The following ATG2B variants were observed in gnomAD, a reference collection of about 807,000 sequenced individuals.
ATG2B encodes the protein autophagy related 2B, also known as autophagy-related protein 2 homolog B.
A neutral mutation model predicts 241.3 loss-of-function variants in ATG2B; 121 were observed. The observed-to-expected ratio is 0.50, with a 90% confidence interval of 0.43 to 0.58. The LOEUF (loss-of-function observed/expected upper bound fraction) is 0.58. Ranked by LOEUF, ATG2B falls within the 20% of genes least tolerant of loss-of-function variation. The pLI, the probability that ATG2B is intolerant of heterozygous loss-of-function variation, is 0.00. For missense variants in ATG2B, 2,306 were observed against 2,491.6 expected, an observed-to-expected ratio of 0.93 and a Z score of 1.59; for synonymous variants, 858 against 876.6, an observed-to-expected ratio of 0.98 and a Z score of 0.37.
At position 96,306,817 on chromosome 14, in the gene ATG2B, G is replaced by T. The variant is rs141313245; in HGVS notation, c.4403C>A (p.Thr1468Asn). Residue 1468 changes from threonine (T) to asparagine (N), a missense_variant, in exon 30 of 42, where the codon ACC (threonine) becomes AAC (asparagine). Physicochemically the swap from Thr to Asn is moderately conservative, Grantham distance 65. This residue lies in a region of ATG2B where 1,927 missense variants were observed against 2,011.2 expected (regional missense o/e 0.96). Transcript: ENST00000359933. ...SGNVSQESGPTYASFSHHFIS... is the reference protein window; with the variant it reads ...SGNVSQESGPNYASFSHHFIS... ...GAAATGGTGAGAGAATGAGGCATAG[G>T]TGGGGCCGGACTCCTGGGATACATT... 2 of 1,614,086 alleles carry T rather than the reference G, an allele frequency of 1.2e-6. No homozygotes were observed. Among genetic ancestry groups the T allele is most frequent in the African/African-American group, 2.7e-5 (2 of 75,012 alleles).
chr14:96,309,760 T>C (rs1256842204), intron 28 of ATG2B, among the ~76,000 whole-genome samples, 166 bp from the exon 29 acceptor site: 1 of 152,210 alleles, frequency 6.6e-6, no homozygotes, highest in African/African-American at 2.4e-5. Context: ...GTTTTTAGTA[T>C]TATCACCCTA....
At chr14:96,304,343 GA>G in intron 32 of ATG2B, 151 bp downstream of exon 32, 1 of 509,224 alleles carries the variant, frequency 2.0e-6, no homozygotes. Flanking sequence ...ATTTGAGAAT[GA>G]AAAAGAGGTA....
chr14:96,293,943 G>A (rs1265396898), intron 36 of ATG2B, among the ~76,000 whole-genome samples: 1 of 152,038 alleles, frequency 6.6e-6, no homozygotes, highest in African/African-American at 2.4e-5. Context: ...AAATAAGAAT[G>A]CATATTATCA....
At chr14:96,340,125 A>ATGC (rs377482646) in intron 6 of ATG2B, among the ~76,000 whole-genome samples, 3 of 23,994 alleles carry the variant, frequency 1.3e-4, no homozygotes, top group African/African-American at 9.9e-4. Context: ...ATATGAATAT[A>ATGC]TATATCATAT....
chr14:96,308,272 A>ATATATATGTG (rs1566719935), intron 29 of ATG2B, among the ~76,000 whole-genome samples: 4 of 25,874 alleles, frequency 1.5e-4, no homozygotes, highest in Admixed American at 4.3e-4. Flanking sequence ...ATATATATAT[A>ATATATATGTG]TATATATATA....
intron 4 of ATG2B, 59 bp downstream of exon 4, chr14:96,344,595 G>T: frequency 1.1e-6 from 1 of 929,732 alleles, no homozygotes; most frequent in Non-Finnish European, 1.6e-6. Context: ...AAACCTCCCT[G>T]AAAATGTAAT....
chr14:96,349,624 A>G, intron 1 of ATG2B, among the ~76,000 whole-genome samples: 1 of 151,502 alleles, frequency 6.6e-6, no homozygotes, highest in East Asian at 1.9e-4. Flanking sequence ...ATGAGGGGTA[A>G]AAGAAAGAAA....
At position 96,302,074 on chromosome 14, in the gene ATG2B, G is replaced by A. The variant is rs1429661450; in HGVS notation, c.5072C>T (p.Ser1691Phe). 4 of 1,614,014 alleles carry A rather than the reference G, an allele frequency of 2.5e-6. No homozygotes were observed. Among genetic ancestry groups the A allele is most frequent in the African/African-American group, 1.3e-5 (1 of 75,012 alleles). The change falls in exon 34 of 42, where the codon TCT becomes TTT. Residue 1691 changes from serine to phenylalanine, a missense_variant. By Grantham distance (155) the Ser-to-Phe change is radical. Coordinates refer to ENST00000359933, the MANE Select transcript of ATG2B (RefSeq NM_018036.7). ...GCAGCACTCCTGTGGGGACCTGCCA[G>A]ATTCTGGACACACGTGTAAGGCTTT... ...TVKALHVCPE[S>F]GRSPQECCLR...
At chr14:96,346,391 T>C (rs1189175114) in intron 2 of ATG2B, among the ~76,000 whole-genome samples, 1 of 152,176 alleles carries the variant, frequency 6.6e-6, no homozygotes, top group Admixed American at 6.5e-5. Flanking sequence ...TGCCTTCCCA[T>C]AGAAAAATAT....
Position 96,289,393 on chromosome 14 carries a change from C to T in ATG2B, c.6006+263G>A. 1 of 340,664 alleles carries T rather than the reference C, an allele frequency of 2.9e-6. No homozygotes were observed. Among genetic ancestry groups the T allele is most frequent in the African/African-American group, 2.1e-5 (1 of 47,958 alleles). 21.1% of individuals were successfully genotyped at this position (340,664 alleles called of 1,614,324 possible). A position where few individuals can be genotyped will look rare whatever the true frequency, so the allele number is the denominator to read the frequency against. On this transcript the variant is annotated intron_variant, in intron 41 of 41. Transcript: ENST00000359933. The surrounding 1 kb of genome is among the most constrained non-coding windows in gnomAD (Gnocchi z 4.3). ...GACAGCGATCACACGGCATTTGTTT[C>T]TATCACTCCCTGAGTGCTTCTGCAG...
intron 6 of ATG2B, among the ~76,000 whole-genome samples, chr14:96,338,788 C>A (rs551259296): frequency 2.6e-5 from 4 of 152,114 alleles, no homozygotes; most frequent in Admixed American, 2.0e-4. Flanking sequence ...TAAATGGGAC[C>A]TGATTAAATT....
intron 34 of ATG2B, among the ~76,000 whole-genome samples, chr14:96,300,285 C>T (rs1181627872): frequency 6.6e-6 from 1 of 152,094 alleles, no homozygotes; most frequent in Non-Finnish European, 1.5e-5. Context: ...TTTGGGAGGC[C>T]AAGGTGGGAG....
At chr14:96,317,554 A>C (rs1238848105) in intron 19 of ATG2B, 144 bp downstream of exon 19, 5 of 730,704 alleles carry the variant, frequency 6.8e-6, no homozygotes, top group Admixed American at 3.1e-5. Flanking sequence ...GAAATAAGGA[A>C]ATATTCTTAT....
intron 41 of ATG2B, among the ~76,000 whole-genome samples, chr14:96,286,635 T>C (rs1886342767): frequency 6.6e-6 from 1 of 152,196 alleles, no homozygotes; most frequent in Admixed American, 6.5e-5. Flanking sequence ...TCTATGCTAG[T>C]AATGACTTCT....
chr14:96,281,082 T>C lies in ATG2B; in HGVS notation c.*4673A>G, dbSNP rs1055503192. On this transcript the variant is annotated 3_prime_UTR_variant, in exon 42 of 42. Transcript: ENST00000359933. ...GGAGGGAAGAACTGTTAAAACTCCA[T>C]ACAGCTCAGCAATCAGTAGCAGACA... The C allele has an allele frequency of 2.0e-5, 3 of 152,114 alleles. No homozygotes were observed. Among genetic ancestry groups the C allele is most frequent in the Non-Finnish European group, 2.9e-5 (2 of 68,038 alleles). 9.4% of individuals were successfully genotyped at this position (152,114 alleles called of 1,614,324 possible).
At chr14:96,301,789 C>T (rs113781819) in intron 34 of ATG2B, among the ~76,000 whole-genome samples, 7 of 152,130 alleles carry the variant, frequency 4.6e-5, no homozygotes, top group Non-Finnish European at 7.3e-5. Flanking sequence ...CTACATCACA[C>T]CATGAGTAGG....
At position 96,334,134 on chromosome 14, in the gene ATG2B, C is replaced by T. The variant is rs547282357; in HGVS notation, c.1022-261G>A. Among the ~76,000 whole-genome samples, 20 of 152,190 alleles carry T rather than the reference C, an allele frequency of 1.3e-4. No homozygotes were observed. The East Asian group carries it at 3.1e-3, about 24-fold the overall frequency. On this transcript the variant is annotated intron_variant, in intron 7 of 41. Coordinates refer to ENST00000359933, the MANE Select transcript of ATG2B (RefSeq NM_018036.7). ...ACTGTGTTCAAGAATTATACTTTCT[C>T]GATTGTATGAAGTACTATCCCCAAC...
chr14:96,337,224 GAGAT>G (rs1887891213), intron 6 of ATG2B, among the ~76,000 whole-genome samples: 1 of 152,114 alleles, frequency 6.6e-6, no homozygotes, highest in African/African-American at 2.4e-5. Context: ...TACAACTAGG[GAGAT>G]CAGTAAATAA....
chr14:96,299,242 C>T (rs1886726456), intron 34 of ATG2B, among the ~76,000 whole-genome samples: 1 of 152,136 alleles, frequency 6.6e-6, no homozygotes, highest in African/African-American at 2.4e-5. Context: ...CTCCACTGCA[C>T]TCCTTAAGGC....
Sources: gnomAD v4.1 joint callset for allele counts (sites outside exome capture counted in the v4.1 genomes callset) on GRCh38, gnomAD v4.1.1 for gene constraint, gnomAD v4.1.1 regional missense constraint, Gnocchi (gnomAD v3.1) non-coding constraint, MANE v1.5 for transcripts, NCBI Gene and HGNC (gene_info 2026-07-23, HGNC 2026-07-21) for gene names.